HDAC9: variants seen among roughly 807,000 people sequenced by gnomAD.
The protein encoded by HDAC9 is MEF-2 interacting transcription repressor (MITR) protein.
HDAC9 carries 41 observed loss-of-function variants against 139.4 expected under a neutral mutation model. The ratio of observed to expected loss-of-function variants is 0.29; its 90% CI spans 0.23 to 0.38. The LOEUF (loss-of-function observed/expected upper bound fraction) is 0.38. Among genes scored for constraint, HDAC9 ranks in the 10% least tolerant of loss-of-function variants. The pLI is 1.00. For synonymous variants in HDAC9, 517 were observed against 476.2 expected (o/e 1.09, Z -1.12); for missense variants, 1,147 against 1,297.0 (o/e 0.88, Z 1.78).
At chr7:18,861,943 C>G (rs993800054) in intron 21 of HDAC9, among the ~76,000 whole-genome samples, 6 of 152,132 alleles carry the variant, frequency 3.9e-5, no homozygotes, top group African/African-American at 1.4e-4. Context: ...TTATTCTCAT[C>G]AATGATTCAT....
At chr7:18,152,011 C>T (rs1402005020) in intron 1 of HDAC9, 1 of 152,126 alleles carries the variant, frequency 6.6e-6, no homozygotes, top group Non-Finnish European at 1.5e-5. Flanking sequence ...TCTCCTAAAG[C>T]TGTGCACCAG....
At chr7:18,444,673 G>T (rs184964130) in intron 1 of HDAC9, among the ~76,000 whole-genome samples, 1 of 152,114 alleles carries the variant, frequency 6.6e-6, no homozygotes, top group African/African-American at 2.4e-5. Context: ...GTTCTTTATA[G>T]TATGCTACGC....
chr7:18,582,839 A>AT (rs1363983623), intron 2 of HDAC9, among the ~76,000 whole-genome samples: 1 of 152,204 alleles, frequency 6.6e-6, no homozygotes, highest in Non-Finnish European at 1.5e-5. Context: ...TTGGTTTTGC[A>AT]TAAGTTTTGT....
chr7:18,872,921 TACTG>T (rs1230200264), intron 21 of HDAC9, among the ~76,000 whole-genome samples: 1 of 152,124 alleles, frequency 6.6e-6, no homozygotes, highest in African/African-American at 2.4e-5. Flanking sequence ...ATCATCTACT[TACTG>T]AATTTTGTAG....
At chr7:18,283,063 G>A (rs1354873281) in intron 2 of HDAC9, among the ~76,000 whole-genome samples, 1 of 151,918 alleles carries the variant, frequency 6.6e-6, no homozygotes, top group Non-Finnish European at 1.5e-5. Flanking sequence ...TATAAGAAGA[G>A]TGTATTAGTC....
chr7:18,935,853 C>T lies in HDAC9; in HGVS notation c.2848C>T (p.Arg950Cys), dbSNP rs756852001. Residue 950 changes from arginine to cysteine, a missense_variant, in exon 23 of 26, where the codon CGT (arginine) becomes TGT (cysteine). Physicochemically the swap from Arg to Cys is radical, Grantham distance 180 (BLOSUM62 -3). Coordinates refer to ENST00000686413, the MANE Select transcript of HDAC9 (RefSeq NM_178425.4). ...GCAATTGATGACATTGGCTGATGGA[C>T]GTGTGGTGTTGGCTCTAGAAGGAGG... ...TKQLMTLADG[R>C]VVLALEGGHD... 4 of 1,613,376 alleles carry T rather than the reference C, an allele frequency of 2.5e-6. No individual in the cohort carries two copies. Among genetic ancestry groups the T allele is most frequent in the South Asian group, 1.1e-5 (1 of 91,054 alleles).
intron 1 of HDAC9, among the ~76,000 whole-genome samples, chr7:18,294,080 C>T (rs893687652): frequency 1.3e-5 from 2 of 152,116 alleles, no homozygotes; most frequent in African/African-American, 2.4e-5. Flanking sequence ...TGCTTAGCAT[C>T]TCCTGCTGGA....
intron 25 of HDAC9, among the ~76,000 whole-genome samples, chr7:18,994,760 T>G (rs1426342752): frequency 2.0e-5 from 3 of 152,224 alleles, no homozygotes; most frequent in Admixed American, 1.3e-4. Flanking sequence ...GCTTTTTTTC[T>G]TATAAATCTG....
intron 13 of HDAC9, among the ~76,000 whole-genome samples, chr7:18,748,184 A>G (rs1788144538): frequency 6.6e-6 from 1 of 152,188 alleles, no homozygotes; most frequent in Non-Finnish European, 1.5e-5. Context: ...TTGTTGCTTT[A>G]AAAAGTCCTA....
intron 1 of HDAC9, among the ~76,000 whole-genome samples, chr7:18,383,006 A>G (rs1042791843): frequency 2.0e-5 from 3 of 152,236 alleles, no homozygotes; most frequent in Non-Finnish European, 4.4e-5. Flanking sequence ...AGAAAGATGC[A>G]TTGTGGTAAA....
At chr7:18,496,148 G>C in intron 1 of HDAC9, 114 bp from the exon 2 acceptor site, 1 of 1,401,542 alleles carries the variant, frequency 7.1e-7, no homozygotes, top group Non-Finnish European at 9.9e-7. Flanking sequence ...AACCAGCGAG[G>C]GTAGCTCCTG....
chr7:18,160,909 A>G (rs1787586076), intron 1 of HDAC9, among the ~76,000 whole-genome samples: 1 of 152,162 alleles, frequency 6.6e-6, no homozygotes, highest in Admixed American at 6.5e-5. Flanking sequence ...AGTAAATATC[A>G]CATTGAACAA....
intron 1 of HDAC9, among the ~76,000 whole-genome samples, chr7:18,374,530 G>T (rs1030803060): frequency 6.6e-6 from 1 of 151,946 alleles, no homozygotes; most frequent in African/African-American, 2.4e-5. Flanking sequence ...TAAAACAATG[G>T]TAAGTATTTC....
chr7:18,146,042 G>T (rs1786296429), intron 1 of HDAC9, among the ~76,000 whole-genome samples: 1 of 152,014 alleles, frequency 6.6e-6, no homozygotes, highest in African/African-American at 2.4e-5. Flanking sequence ...CATGCTGATT[G>T]GTTGGGAAAA....
chr7:18,612,853 G>A (rs1170808787), intron 6 of HDAC9, among the ~76,000 whole-genome samples: 4 of 151,908 alleles, frequency 2.6e-5, no homozygotes, highest in Non-Finnish European at 5.9e-5. Flanking sequence ...ATACTAAGAG[G>A]AGAATATGAA....
At chr7:18,143,668 C>A (rs1403785573) in intron 1 of HDAC9, among the ~76,000 whole-genome samples, 1 of 151,850 alleles carries the variant, frequency 6.6e-6, no homozygotes, top group Non-Finnish European at 1.5e-5. Context: ...CACCTGTAAT[C>A]CCAGCTACTC....
intron 2 of HDAC9, among the ~76,000 whole-genome samples, chr7:18,567,162 G>C (rs1295017105): frequency 6.6e-6 from 1 of 152,090 alleles, no homozygotes; most frequent in Non-Finnish European, 1.5e-5. Context: ...AATTTATCTC[G>C]AGGGGAATAA....
chr7:18,228,220 A>G (rs1032628153), intron 2 of HDAC9, among the ~76,000 whole-genome samples: 11 of 152,038 alleles, frequency 7.2e-5, no homozygotes, highest in East Asian at 5.8e-4. Context: ...AAGAATTACT[A>G]TTCTTATTTG....
At chr7:18,981,994 C>G (rs909913931) in intron 25 of HDAC9, among the ~76,000 whole-genome samples, 1 of 151,844 alleles carries the variant, frequency 6.6e-6, no homozygotes, top group Non-Finnish European at 1.5e-5. Context: ...GACTGGGGAG[C>G]AAATCACAGA....
Sources: allele counts gnomAD v4.1 joint callset (sites outside exome capture counted in the v4.1 genomes callset), GRCh38; gene constraint gnomAD v4.1.1; transcripts MANE v1.5; gene names NCBI Gene and HGNC (gene_info 2026-07-23, HGNC 2026-07-21).